KAT6B: variants seen among roughly 807,000 people sequenced by gnomAD.
KAT6B encodes the protein histone acetyltransferase KAT6B.
KAT6B carries 10 observed loss-of-function variants against 187.5 expected under a neutral mutation model. The ratio of observed to expected loss-of-function variants is 0.05; its 90% confidence interval spans 0.03 to 0.09. The LOEUF is 0.09. Among genes scored for constraint, KAT6B ranks in the 10% least tolerant of loss-of-function variants. The probability of loss-of-function intolerance (pLI) is 1.00; values close to 1 mark genes in which losing one functional copy is unlikely to be tolerated. For synonymous variants in KAT6B, 861 were observed against 926.8 expected (o/e 0.93, Z 1.29); for missense variants, 1,952 against 2,558.9 (o/e 0.76, Z 5.12).
chr10:74,894,528 A>G (rs190535569), intron 3 of KAT6B, among the ~76,000 whole-genome samples: 1 of 152,270 alleles, frequency 6.6e-6, no homozygotes, highest in African/African-American at 2.4e-5. Context: ...GAGTTTTTTT[A>G]TCTTGTAAAA....
intron 3 of KAT6B, among the ~76,000 whole-genome samples, chr10:74,932,426 A>T (rs904510911): frequency 6.6e-6 from 1 of 152,212 alleles, no homozygotes; most frequent in African/African-American, 2.4e-5. Context: ...AATCAAACTC[A>T]GTGAGTCTGA....
In KAT6B at chr10:74,843,135, A is replaced by G; in HGVS notation, c.278A>G (p.Lys93Arg). The change falls in exon 3 of 18, where the codon AAG (lysine) becomes AGG (arginine). Residue 93 changes from lysine (K) to arginine (R), a missense_variant. This residue lies in a region of KAT6B where 218 missense variants were observed against 282.6 expected (regional missense o/e 0.77). Coordinates refer to ENST00000287239, the MANE Select transcript of KAT6B (RefSeq NM_012330.4). ...VKPGTFPKSA[K>R]GSRGSCNDLR... ...CCAGGCACTTTTCCTAAGTCAGCCAAGGGGTCTAGAGGATCATGTAATGAT... is the reference window on the plus strand; with the variant it reads ...CCAGGCACTTTTCCTAAGTCAGCCAGGGGGTCTAGAGGATCATGTAATGAT... 4 of 1,614,212 alleles carry G rather than the reference A, an allele frequency of 2.5e-6. No homozygotes were observed. The highest frequency in any genetic ancestry group is 3.4e-6 in the Non-Finnish European group (4 of 1,180,026).
chr10:74,930,140 C>G, intron 3 of KAT6B, among the ~76,000 whole-genome samples: 1 of 152,042 alleles, frequency 6.6e-6, no homozygotes, highest in East Asian at 1.9e-4. Flanking sequence ...TCAGGCTGGT[C>G]CCGAACTCCT....
In KAT6B at chr10:74,858,257, T is replaced by A. The variant is rs188986860; in HGVS notation, c.621+14779T>A. Among the ~76,000 whole-genome samples, 141 of 151,886 alleles carry A rather than the reference T, an allele frequency of 9.3e-4. 1 individual carries two copies. Among genetic ancestry groups the A allele is most frequent in the African/African-American group, 3.0e-3 (123 of 41,298 alleles). ...ATTTGGCACTAATAGCTTCAGAGTT[T>A]TTAACAATAGAAGTTTGGATGGGCA... is the stretch of plus-strand genomic sequence containing the variant. On this transcript the variant is annotated intron_variant, in intron 3 of 17. Coordinates refer to ENST00000287239, the MANE Select transcript of KAT6B (RefSeq NM_012330.4).
intron 1 of KAT6B, among the ~76,000 whole-genome samples, chr10:74,833,434 G>A (rs946386874): frequency 2.0e-5 from 3 of 152,158 alleles, no homozygotes; most frequent in East Asian, 3.8e-4. Flanking sequence ...CAAATTTCCT[G>A]TGAGGTTCCT....
At chr10:74,929,921 CTTT>C (rs370938293) in intron 3 of KAT6B, among the ~76,000 whole-genome samples, 2 of 136,040 alleles carry the variant, frequency 1.5e-5, no homozygotes, top group Non-Finnish European at 1.6e-5. Context: ...ATTATTTTTC[CTTT>C]TTTTTTTTTT....
intron 7 of KAT6B, among the ~76,000 whole-genome samples, chr10:74,975,060 T>G (rs1842067784): frequency 6.6e-6 from 1 of 152,248 alleles, no homozygotes; most frequent in East Asian, 1.9e-4. Context: ...AAATCATAAC[T>G]ACTTGTGACA....
At chr10:74,965,448 C>G (rs1841393603) in intron 4 of KAT6B, among the ~76,000 whole-genome samples, 1 of 152,172 alleles carries the variant, frequency 6.6e-6, no homozygotes, top group Non-Finnish European at 1.5e-5. Context: ...CCATGCCTCT[C>G]CTTTTCCTCA....
intron 10 of KAT6B, among the ~76,000 whole-genome samples, chr10:74,979,794 G>A (rs1842394532): frequency 6.6e-6 from 1 of 152,142 alleles, no homozygotes; most frequent in Admixed American, 6.5e-5. Flanking sequence ...AAGGAAAAAT[G>A]GGAGAAAGTA....
At chr10:74,857,184 G>A (rs1842878769) in intron 3 of KAT6B, among the ~76,000 whole-genome samples, 1 of 152,186 alleles carries the variant, frequency 6.6e-6, no homozygotes, top group Non-Finnish European at 1.5e-5. Context: ...GCAACTTAAT[G>A]GTTTAACACA....
intron 3 of KAT6B, among the ~76,000 whole-genome samples, chr10:74,885,108 CCCAGG>C (rs1845142432): frequency 6.6e-6 from 1 of 151,904 alleles, no homozygotes; most frequent in African/African-American, 2.4e-5. Context: ...TGCTCTGTTA[CCCAGG>C]CCGGAGTGCA....
intron 1 of KAT6B, among the ~76,000 whole-genome samples, chr10:74,832,605 A>T (rs1840940454): frequency 6.6e-6 from 1 of 151,878 alleles, no homozygotes; most frequent in Non-Finnish European, 1.5e-5. Context: ...GGGTTCAAGC[A>T]ATTTTCCTGC....
chr10:74,967,258 AG>A (rs1307965349), intron 4 of KAT6B, among the ~76,000 whole-genome samples: 1 of 151,298 alleles, frequency 6.6e-6, no homozygotes, highest in Non-Finnish European at 1.5e-5. Context: ...TGAACCTGGG[AG>A]GTGGAGCTTG....
intron 16 of KAT6B, chr10:75,023,581 A>T (rs1845598173): frequency 6.6e-6 from 1 of 152,206 alleles, no homozygotes; most frequent in Admixed American, 6.5e-5. Flanking sequence ...ATTAGGGAAA[A>T]TTCTCATGGA....
rs1842975561 is a variant in KAT6B at position 74,989,081 on chromosome 10, G to A, written c.2598G>A (p.Arg866=). 6.2e-7 allele frequency: 1 copy of A among 1,613,744 alleles called. No homozygotes were observed. The highest frequency in any genetic ancestry group is 1.7e-5 in the Admixed American group (1 of 60,026). ...TAATGATCATGCCCCAGCACCAAAG[G>A]CAAGGATTTGGACGGTTTCTCATTG... The part of the protein sequence containing the change: ...SCIMIMPQHQ[R]QGFGRFLIDF... Residue 866 remains arginine, a synonymous_variant, in exon 13 of 18, where the codon AGG becomes AGA. Coordinates refer to ENST00000287239, the MANE Select transcript of KAT6B (RefSeq NM_012330.4).
chr10:74,833,547 GTC>G (rs1280465195), intron 1 of KAT6B, among the ~76,000 whole-genome samples: 1 of 152,170 alleles, frequency 6.6e-6, no homozygotes, highest in Admixed American at 6.5e-5. Flanking sequence ...TTTGGGACCT[GTC>G]TCTACTAATT....
intron 11 of KAT6B, chr10:74,983,256 C>T (rs1445252961): frequency 6.6e-6 from 1 of 152,448 alleles, no homozygotes; most frequent in African/African-American, 2.4e-5. Context: ...TCTCTGGCCT[C>T]TGCTAATTGG....
intron 4 of KAT6B, among the ~76,000 whole-genome samples, chr10:74,965,812 G>A (rs545076505): frequency 1.2e-4 from 18 of 150,808 alleles, no homozygotes; most frequent in African/African-American, 4.1e-4. Flanking sequence ...TGCAAGCTCC[G>A]CCTCCCGGGT....
chr10:74,950,294 G>T (rs1268949514), intron 3 of KAT6B, among the ~76,000 whole-genome samples: 3 of 152,146 alleles, frequency 2.0e-5, no homozygotes, highest in Non-Finnish European at 4.4e-5. Context: ...TAGACTTGTC[G>T]TAAACAGAGT....
Sources: allele counts gnomAD v4.1 joint callset (sites outside exome capture counted in the v4.1 genomes callset), GRCh38; gene constraint gnomAD v4.1.1; regional missense constraint gnomAD v4.1.1; transcripts MANE v1.5; gene names NCBI Gene and HGNC (gene_info 2026-07-23, HGNC 2026-07-21).